Variants in ZNF561 observed in about 807,000 individuals in gnomAD.
ZNF561 encodes the protein zinc finger protein 561.
Under a neutral mutation model 16.7 loss-of-function variants are expected in ZNF561, and 16 were observed. The observed-to-expected ratio is 0.96, with a 90% CI of 0.65 to 1.45. The LOEUF is 1.45. Ranked by LOEUF, ZNF561 falls within the 40% of genes most tolerant of loss-of-function variation. The pLI, the probability that ZNF561 is intolerant of heterozygous loss-of-function variation, is 0.00. For synonymous variants in ZNF561, 190 were observed against 192.1 expected, an observed-to-expected ratio of 0.99 and a Z score of 0.09; for missense variants, 580 against 578.0, an observed-to-expected ratio of 1.00 and a Z score of -0.04.
chr19:9,617,352 G>C (rs1007044369), intron 3 of ZNF561, 181 bp from the exon 4 acceptor site: 56 of 1,265,126 alleles, frequency 4.4e-5, no homozygotes, highest in Middle Eastern at 2.0e-4. Context: ...ACCTCCTACA[G>C]GCATATGCCT....
chr19:9,619,154 G>T, intron 2 of ZNF561: 1 of 198,646 alleles, frequency 5.0e-6, no homozygotes, highest in East Asian at 1.0e-4. Flanking sequence ...ATACTTGGGA[G>T]GCTGAGGCAA....
intron 2 of ZNF561, 60 bp from the exon 3 acceptor site, chr19:9,618,239 T>C (rs1468741697): frequency 7.0e-7 from 1 of 1,434,138 alleles, no homozygotes; most frequent in African/African-American, 1.4e-5. Flanking sequence ...CACATTCTCA[T>C]GCCTAGAAGT....
At chr19:9,612,247 G>C (rs1432288177) in intron 5 of ZNF561, among the ~76,000 whole-genome samples, 1 of 151,038 alleles carries the variant, frequency 6.6e-6, no homozygotes, top group Non-Finnish European at 1.5e-5. Flanking sequence ...TTATTTTTGA[G>C]ATGTAGTCTC....
chr19:9,617,912 G>C, intron 3 of ZNF561, 179 bp downstream of exon 3: 5 of 640,652 alleles, frequency 7.8e-6, no homozygotes, highest in East Asian at 3.2e-5. Context: ...TGATTTTCAA[G>C]TTAACATTTT....
chr19:9,612,120 G>T (rs1230608211), intron 5 of ZNF561, among the ~76,000 whole-genome samples: 1 of 152,106 alleles, frequency 6.6e-6, no homozygotes, highest in Admixed American at 6.5e-5. Flanking sequence ...TAGAGACAGG[G>T]TTTCACCATG....
At chr19:9,612,620 C>T (rs1315573210) in intron 5 of ZNF561, among the ~76,000 whole-genome samples, 4 of 152,214 alleles carry the variant, frequency 2.6e-5, no homozygotes, top group African/African-American at 9.6e-5. Flanking sequence ...GCTGGGATTA[C>T]AGCCATGAGC....
Position 9,608,798 on chromosome 19 carries a change from C to G in ZNF561, c.*1402G>C, listed in dbSNP as rs1376943218. 6.6e-6 allele frequency: 1 copy of G among 152,144 alleles called. No individual in the cohort carries two copies. The highest frequency in any genetic ancestry group is 1.5e-5 in the Non-Finnish European group (1 of 68,036). The allele number at this position is 152,144 out of a possible 1,614,324, so 9.4% of individuals were successfully genotyped here. ...AAGGTAGAGCTTGAGAGAGATAAAA[C>G]TGGTTATGTATCACTAAGATCTGTA... On this transcript the variant is annotated 3_prime_UTR_variant, in exon 6 of 6. Transcript: ENST00000302851.
Position 9,617,103 on chromosome 19 carries a change from A to T in ZNF561, c.183T>A (p.Thr61=). 1.9e-6 allele frequency: 3 copies of T among 1,613,608 alleles called. No individual in the cohort carries two copies. ...TCACATCTCTGTAGAGGTATTTCTC[A>T]GTTGTGTCCAGTAAAGCCCACTCCT... ...TPEEWALLDT[T]EKYLYRDVML... The change falls in exon 4 of 6, where the codon ACT becomes ACA. Residue 61 remains threonine (T), a synonymous_variant. Transcript: ENST00000302851.
At chr19:9,620,701 T>C (rs899201990) in intron 1 of ZNF561, among the ~76,000 whole-genome samples, 1 of 152,226 alleles carries the variant, frequency 6.6e-6, no homozygotes, top group Non-Finnish European at 1.5e-5. Flanking sequence ...CGTGTGTTAT[T>C]GATAACTTCA....
chr19:9,613,278 C>G (rs2074494586), intron 5 of ZNF561, among the ~76,000 whole-genome samples: 1 of 152,170 alleles, frequency 6.6e-6, no homozygotes, highest in African/African-American at 2.4e-5. Flanking sequence ...CTCTAATTCT[C>G]TCAAGTATCT....
rs1023609590 is a variant in ZNF561, at chr19:9,609,549, G to A, written c.*651C>T. The A allele has an allele frequency of 6.6e-6, 1 of 152,148 alleles. No homozygotes were observed. Among genetic ancestry groups the A allele is most frequent in the African/African-American group, 2.4e-5 (1 of 41,424 alleles). 9.4% of individuals were successfully genotyped at this position (152,148 alleles called of 1,614,324 possible). ...TCATCTGATAAAGAGATCATGAGTGGGATTCATGGACTATATCAGCCACCT... is the reference window on the plus strand; with the variant it reads ...TCATCTGATAAAGAGATCATGAGTGAGATTCATGGACTATATCAGCCACCT... On this transcript the variant is annotated 3_prime_UTR_variant, in exon 6 of 6. Transcript: ENST00000302851.
At chr19:9,615,122 G>C (rs896621121) in intron 4 of ZNF561, among the ~76,000 whole-genome samples, 1 of 151,878 alleles carries the variant, frequency 6.6e-6, no homozygotes, top group Non-Finnish European at 1.5e-5. Context: ...TTACAGGCAT[G>C]AGCCACCACA....
chr19:9,610,584 G>C lies in ZNF561; in HGVS notation c.1077C>G (p.His359Gln), dbSNP rs781414858. 1 of 1,613,248 alleles carries C rather than the reference G, an allele frequency of 6.2e-7. No homozygotes were observed. The highest frequency in any genetic ancestry group is 8.5e-7 in the Non-Finnish European group (1 of 1,179,526). Reference sequence around the variant, plus strand: ...TACACTGATAGGGTTTCTTTCCACTGTGACTTCGTATGTGTATAGAAAGGC... The same window carrying C: ...TACACTGATAGGGTTTCTTTCCACTCTGACTTCGTATGTGTATAGAAAGGC... ...YSGLSIHIRS[H>Q]SGKKPYQCKE... The change falls in exon 6 of 6, where the codon CAC (histidine) becomes CAG (glutamine). Residue 359 changes from histidine to glutamine, a missense_variant. Transcript: ENST00000302851.
chr19:9,613,633 T>G (rs749773132), intron 5 of ZNF561, among the ~76,000 whole-genome samples: 1 of 152,180 alleles, frequency 6.6e-6, no homozygotes, highest in Non-Finnish European at 1.5e-5. Context: ...TTCTCCTGTC[T>G]CAGCCTCCCA....
At chr19:9,615,742 C>T (rs900856390) in intron 4 of ZNF561, among the ~76,000 whole-genome samples, 16 of 132,942 alleles carry the variant, frequency 1.2e-4, no homozygotes, top group South Asian at 1.2e-3. Flanking sequence ...CCCATCTCTA[C>T]TAAAAATACA....
In ZNF561 at chr19:9,609,633, T is replaced by G. The variant is rs1358692756; in HGVS notation, c.*567A>C. 1 of 152,984 alleles carries G rather than the reference T, an allele frequency of 6.5e-6. No individual in the cohort carries two copies. The highest frequency in any genetic ancestry group is 2.4e-5 in the African/African-American group (1 of 41,428). 9.5% of individuals were successfully genotyped at this position (152,984 alleles called of 1,614,324 possible). ...AGAAGAGACATTGCCACTTACATTG[T>G]GCCATCTAAAATAGACATACAAGGC... On this transcript the variant is annotated 3_prime_UTR_variant, in exon 6 of 6. Transcript: ENST00000302851.
In ZNF561 at chr19:9,619,381, G is replaced by A; in HGVS notation, c.25+51C>T. On this transcript the variant is annotated intron_variant, in intron 2 of 5. Coordinates refer to ENST00000302851, the MANE Select transcript of ZNF561 (RefSeq NM_152289.3). ...CAGCTCACTGGACGCTTGTGTTGTG[G>A]AGGGTGACCTAAAGCAGAATCTCTG... 1.9e-6 allele frequency: 3 copies of A among 1,602,378 alleles called. No homozygotes were observed. In the East Asian group the frequency reaches 6.7e-5, roughly 36 times the overall value.
chr19:9,616,719 A>G (rs2074560308), intron 4 of ZNF561, among the ~76,000 whole-genome samples: 1 of 151,332 alleles, frequency 6.6e-6, no homozygotes, highest in Admixed American at 6.6e-5. Flanking sequence ...AGCCTCCCGA[A>G]TAGCTGGGAC....
In ZNF561 at chr19:9,610,563, C is replaced by A; in HGVS notation, c.1098G>T (p.Gln366His). ...TGAAGGCTTTCCCACATTCCTTACA[C>A]TGATAGGGTTTCTTTCCACTGTGAC... is the stretch of plus-strand genomic sequence containing the variant. ...IRSHSGKKPYQCKECGKAFTT... is the reference protein window; with the variant it reads ...IRSHSGKKPYHCKECGKAFTT... The change falls in exon 6 of 6, where the codon CAG becomes CAT. Residue 366 changes from glutamine to histidine, a missense_variant. Coordinates refer to ENST00000302851, the MANE Select transcript of ZNF561 (RefSeq NM_152289.3). The A allele has an allele frequency of 1.2e-6, 2 of 1,613,560 alleles. No individual in the cohort carries two copies. Among genetic ancestry groups the A allele is most frequent in the Non-Finnish European group, 1.7e-6 (2 of 1,179,648 alleles).
Sources: gnomAD v4.1 joint callset for allele counts (sites outside exome capture counted in the v4.1 genomes callset) on GRCh38, gnomAD v4.1.1 for gene constraint, MANE v1.5 for transcripts, NCBI Gene and HGNC (gene_info 2026-07-23, HGNC 2026-07-21) for gene names.